Variants in DPP6 observed in about 807,000 individuals in gnomAD.
DPP6 encodes A-type potassium channel modulatory protein DPP6.
Under a neutral mutation model 122.6 loss-of-function variants are expected in DPP6, and 69 were observed. The ratio of observed to expected loss-of-function variants is 0.56; its 90% CI spans 0.46 to 0.69. The LOEUF (loss-of-function observed/expected upper bound fraction) is 0.69, where lower values mean the gene tolerates loss of function less well. Among genes scored for constraint, DPP6 ranks in the 30% least tolerant of loss-of-function variants. The pLI is 0.00. For missense variants in DPP6, 928 were observed against 1,116.9 expected, an observed-to-expected ratio of 0.83 and a Z score of 2.41; for synonymous variants, 418 against 433.1, an observed-to-expected ratio of 0.97 and a Z score of 0.43.
At chr7:154,060,398 C>A (rs575506919) in intron 1 of DPP6, among the ~76,000 whole-genome samples, 1,490 of 132,358 alleles carry the variant, frequency 0.011, 143 homozygotes, top group African/African-American at 0.04. Flanking sequence ...CTCTTAGGAC[C>A]CCCATCGCAG....
At chr7:154,406,443 A>ACACGCACACATGCACATGCACACG (rs1816101088) in intron 1 of DPP6, among the ~76,000 whole-genome samples, 2 of 148,532 alleles carry the variant, frequency 1.3e-5, no homozygotes, top group Non-Finnish European at 3.0e-5. Flanking sequence ...ACACACACAC[A>ACACGCACACATGCACATGCACACG]CACACGCACA....
intron 1 of DPP6, among the ~76,000 whole-genome samples, chr7:153,957,869 C>A (rs1300574631): frequency 6.6e-6 from 1 of 152,196 alleles, no homozygotes; most frequent in East Asian, 1.9e-4. Context: ...AGACTAGCTG[C>A]CCTAGAAAAA....
At chr7:154,516,476 A>G (rs1189232914) in intron 3 of DPP6, among the ~76,000 whole-genome samples, 1 of 152,204 alleles carries the variant, frequency 6.6e-6, no homozygotes. Flanking sequence ...CACTGACTCA[A>G]GAAAATGTGA....
chr7:154,799,376 CT>C (rs977300517), intron 12 of DPP6, among the ~76,000 whole-genome samples: 2 of 152,214 alleles, frequency 1.3e-5, no homozygotes, highest in Admixed American at 1.3e-4. Context: ...GCAATCCCCC[CT>C]GCCACATACA....
At chr7:153,989,678 A>G (rs898793628) in intron 1 of DPP6, among the ~76,000 whole-genome samples, 2 of 151,880 alleles carry the variant, frequency 1.3e-5, no homozygotes, top group African/African-American at 4.8e-5. Flanking sequence ...AGCTTGAGAG[A>G]GTCTGGGGAT....
At chr7:154,640,948 A>G (rs568405341) in intron 6 of DPP6, among the ~76,000 whole-genome samples, 1 of 152,232 alleles carries the variant, frequency 6.6e-6, no homozygotes, top group South Asian at 2.1e-4. Context: ...TTTGTCATTT[A>G]TAGCTTGATT....
the DPP6 span, among the ~76,000 whole-genome samples, chr7:153,849,646 C>T: frequency 3.3e-5 from 5 of 152,074 alleles, no homozygotes; most frequent in Non-Finnish European, 5.9e-5. Flanking sequence ...GGCTTTTGTT[C>T]CATGTGTTTC....
intron 2 of DPP6, among the ~76,000 whole-genome samples, chr7:154,453,830 A>G (rs909794140): frequency 5.9e-5 from 9 of 152,072 alleles, no homozygotes; most frequent in African/African-American, 1.4e-4. Flanking sequence ...TTTGTTCTAT[A>G]TGTTTGTGAG....
intron 5 of DPP6, among the ~76,000 whole-genome samples, chr7:154,619,950 T>C (rs996040524): frequency 6.6e-6 from 1 of 152,222 alleles, no homozygotes; most frequent in Non-Finnish European, 1.5e-5. Flanking sequence ...AGAGAAGCAC[T>C]TGAAGTATCT....
At chr7:154,417,699 C>T (rs1817144674) in intron 1 of DPP6, among the ~76,000 whole-genome samples, 2 of 152,236 alleles carry the variant, frequency 1.3e-5, no homozygotes, top group African/African-American at 4.8e-5. Flanking sequence ...AAGTCAGTTA[C>T]TCTGTCCTTT....
At chr7:154,328,998 G>A (rs1808685615) in intron 1 of DPP6, among the ~76,000 whole-genome samples, 1 of 152,176 alleles carries the variant, frequency 6.6e-6, no homozygotes, top group Admixed American at 6.6e-5. Flanking sequence ...TGTAAGTAGG[G>A]TTTTCCATCT....
At chr7:154,345,666 T>G (rs1478747332) in intron 1 of DPP6, among the ~76,000 whole-genome samples, 1 of 152,158 alleles carries the variant, frequency 6.6e-6, no homozygotes, top group Non-Finnish European at 1.5e-5. Context: ...CCGCCCCACA[T>G]TGGCTGAGAG....
At position 154,532,249 on chromosome 7, in the gene DPP6, G is replaced by A. The variant is rs186897962; in HGVS notation, c.458-8283G>A. Among the ~76,000 whole-genome samples the A allele has an allele frequency of 6.4e-3, 977 of 152,106 alleles. 5 individuals are homozygous for A. The highest frequency in any genetic ancestry group is 8.9e-3 in the Non-Finnish European group (605 of 67,950). On this transcript the variant is annotated intron_variant, in intron 3 of 25. Coordinates refer to ENST00000377770, the MANE Select transcript of DPP6 (RefSeq NM_130797.4). ...TAACAGATTTCAAAATACCTACTGG[G>A]CATATGAGACATTTGAGGGAAAATT...
chr7:154,759,899 G>A (rs866395371), intron 8 of DPP6, among the ~76,000 whole-genome samples: 2 of 152,166 alleles, frequency 1.3e-5, no homozygotes, highest in African/African-American at 2.4e-5. Flanking sequence ...CAAGGAGGGC[G>A]GATCACGAGG....
At chr7:153,754,957 A>G in the DPP6 span, among the ~76,000 whole-genome samples, 2 of 151,782 alleles carry the variant, frequency 1.3e-5, no homozygotes, top group African/African-American at 4.8e-5. Context: ...GAGTCTTCTT[A>G]TAATACTTTA....
intron 1 of DPP6, among the ~76,000 whole-genome samples, chr7:154,350,881 C>A (rs1810794757): frequency 6.6e-6 from 1 of 152,128 alleles, no homozygotes; most frequent in Non-Finnish European, 1.5e-5. Context: ...AGCTGGAGAT[C>A]ACTGACTGGA....
chr7:154,779,001 T>TCCACCA (rs1796798948), intron 10 of DPP6, among the ~76,000 whole-genome samples: 1 of 85,724 alleles, frequency 1.2e-5, no homozygotes, highest in Non-Finnish European at 2.5e-5. Context: ...CTCCACAACC[T>TCCACCA]CCACCACCAG....
intron 7 of DPP6, among the ~76,000 whole-genome samples, chr7:154,709,504 G>A (rs1221504215): frequency 6.6e-6 from 1 of 151,850 alleles, no homozygotes; most frequent in African/African-American, 2.4e-5. Flanking sequence ...ACAGGCAGGA[G>A]CCACCATGCT....
intron 1 of DPP6, among the ~76,000 whole-genome samples, chr7:154,361,419 G>A (rs932599315): frequency 6.6e-6 from 1 of 152,180 alleles, no homozygotes; most frequent in African/African-American, 2.4e-5. Flanking sequence ...CTGCACTGGT[G>A]ATGACATCAG....
Sources: allele counts gnomAD v4.1 joint callset (sites outside exome capture counted in the v4.1 genomes callset), GRCh38; gene constraint gnomAD v4.1.1; transcripts MANE v1.5; gene names NCBI Gene and HGNC (gene_info 2026-07-23, HGNC 2026-07-21).